The following OR51I2 variants were observed in gnomAD, a reference collection of about 807,000 sequenced individuals.
OR51I2 encodes the protein olfactory receptor 51I2.
OR51I2 carries 6 observed loss-of-function variants against 9.3 expected under a neutral mutation model. That is an observed-to-expected ratio of 0.64 (90% CI 0.35 to 1.27). The LOEUF is 1.27. OR51I2 is among the 50% of genes most tolerant of loss of function. The pLI, the probability that OR51I2 is intolerant of heterozygous loss-of-function variation, is 0.03. For synonymous variants in OR51I2, 179 were observed against 143.1 expected (o/e 1.25, Z -1.79); for missense variants, 489 against 396.4 (o/e 1.23, Z -1.98).
Position 5,455,386 on chromosome 11 carries a change from A to G in OR51I2, c.*959A>G, listed in dbSNP as rs1850936240. 6.6e-6 allele frequency: 1 copy of G among 150,442 alleles called. No individual in the cohort carries two copies. The highest frequency in any genetic ancestry group is 2.4e-5 in the African/African-American group (1 of 41,034). 9.3% of individuals were successfully genotyped at this position (150,442 alleles called of 1,614,324 possible). On this transcript the variant is annotated 3_prime_UTR_variant, in exon 2 of 2. Coordinates refer to ENST00000641930, the MANE Select transcript of OR51I2 (RefSeq NM_001004754.3). ...AAAAAGCCTAGGATAGACAGACTAG[A>G]GCACTTATGGTTTAGATACCAGAAA...
chr11:5,452,163 A>G (rs1850862625), intron 1 of OR51I2, among the ~76,000 whole-genome samples: 1 of 152,060 alleles, frequency 6.6e-6, no homozygotes, highest in Non-Finnish European at 1.5e-5. Flanking sequence ...CATATATGTC[A>G]GTGCAGACTG....
chr11:5,450,083 G>A (rs1228670538), intron 1 of OR51I2, among the ~76,000 whole-genome samples: 2 of 152,070 alleles, frequency 1.3e-5, no homozygotes, highest in East Asian at 3.9e-4. Flanking sequence ...GGATCTCAGA[G>A]AATGTCCTTA....
chr11:5,454,465 T>C lies in OR51I2; in HGVS notation c.*38T>C. The C allele has an allele frequency of 1.3e-6, 2 of 1,494,410 alleles. No individual in the cohort carries two copies. The highest frequency in any genetic ancestry group is 1.2e-5 in the South Asian group (1 of 82,812). The allele number at this position is 1,494,410 out of a possible 1,614,324, so 92.6% of individuals were successfully genotyped here. A position where few individuals can be genotyped will look rare whatever the true frequency, so the allele number is the denominator to read the frequency against. On this transcript the variant is annotated 3_prime_UTR_variant, in exon 2 of 2. Transcript: ENST00000641930. ...GCTTTAGAATCTGTTATTTTGGCCATAGGCTCTCATCAGTAGCATCGTCAT... is the reference window on the plus strand; with the variant it reads ...GCTTTAGAATCTGTTATTTTGGCCACAGGCTCTCATCAGTAGCATCGTCAT...
In OR51I2 at chr11:5,453,243, C is replaced by T. The variant is rs1850884459; in HGVS notation, c.-230-16C>T. On this transcript the variant is annotated splice_polypyrimidine_tract_variant and intron_variant, in intron 1 of 1. Coordinates refer to ENST00000641930, the MANE Select transcript of OR51I2 (RefSeq NM_001004754.3). ...TATTGAAGTATTTGTCAATGTCTTC[C>T]TTGTTCATAAAATAGAGGGAAATAT... 1.1e-5 allele frequency: 4 copies of T among 349,680 alleles called. No homozygotes were observed. Among genetic ancestry groups the T allele is most frequent in the Non-Finnish European group, 1.5e-5 (3 of 195,314 alleles). 21.7% of individuals were successfully genotyped at this position (349,680 alleles called of 1,614,324 possible).
chr11:5,456,059 T>C lies in OR51I2; in HGVS notation c.*1632T>C, dbSNP rs908590631. ...TAATAATTTTAATGCTTTGATATTTTAGTTTCAAATATATACAACAAATAC... is the reference window on the plus strand; with the variant it reads ...TAATAATTTTAATGCTTTGATATTTCAGTTTCAAATATATACAACAAATAC... On this transcript the variant is annotated 3_prime_UTR_variant, in exon 2 of 2. Transcript: ENST00000641930. 1.2e-4 allele frequency: 18 copies of C among 152,352 alleles called. No individual in the cohort carries two copies. Among genetic ancestry groups the C allele is most frequent in the Admixed American group, 1.2e-3 (18 of 15,308 alleles). The allele number at this position is 152,352 out of a possible 1,614,324, so 9.4% of individuals were successfully genotyped here.
chr11:5,452,851 C>CA (rs1399363709), intron 1 of OR51I2, among the ~76,000 whole-genome samples: 1 of 152,168 alleles, frequency 6.6e-6, no homozygotes, highest in East Asian at 1.9e-4. Flanking sequence ...TGCCTTTGCA[C>CA]AAAAATATGT....
chr11:5,454,085 A>G lies in OR51I2; in HGVS notation c.597A>G (p.Gly199=), dbSNP rs746363660. The change falls in exon 2 of 2, where the codon GGA becomes GGG. Residue 199 remains glycine (G), a synonymous_variant. Coordinates refer to ENST00000641930, the MANE Select transcript of OR51I2 (RefSeq NM_001004754.3). ...ATATCAGTATCAACAGCATCTATGG[A>G]CTCTTTGTTCTTGTATCCACCTTTG... ...CADISINSIY[G]LFVLVSTFGM... 2.5e-6 allele frequency: 4 copies of G among 1,613,594 alleles called. No homozygotes were observed. The highest frequency in any genetic ancestry group is 3.4e-6 in the Non-Finnish European group (4 of 1,179,920).
rs150291324 is a variant in OR51I2, at chr11:5,453,857, T to C, written c.369T>C (p.Tyr123=). The change falls in exon 2 of 2, where the codon TAT becomes TAC. Residue 123 remains tyrosine (Y), a synonymous_variant. Transcript: ENST00000641930. ...GILLAMSFDR[Y]VAICDPLRYA... ...TGCTGGCCATGAGTTTTGACCGCTA[T>C]GTGGCCATTTGTGACCCCTTGCGCT... 2 of 1,614,240 alleles carry C rather than the reference T, an allele frequency of 1.2e-6. No homozygotes were observed. Among genetic ancestry groups the C allele is most frequent in the African/African-American group, 1.3e-5 (1 of 75,064 alleles).
Position 5,454,171 on chromosome 11 carries a change from C to T in OR51I2, c.683C>T (p.Thr228Ile), listed in dbSNP as rs772829220. 20 of 1,613,494 alleles carry T rather than the reference C, an allele frequency of 1.2e-5. No homozygotes were observed. The highest frequency in any genetic ancestry group is 1.7e-5 in the Non-Finnish European group (20 of 1,179,804). The part of the protein sequence containing the change: ...YVLILRSVMA[T>I]ASREERLKAL... ...CTCATTCTGCGTTCTGTCATGGCCACTGCTTCCCGTGAGGAACGCCTCAAA... is the reference window on the plus strand; with the variant it reads ...CTCATTCTGCGTTCTGTCATGGCCATTGCTTCCCGTGAGGAACGCCTCAAA... The change falls in exon 2 of 2, where the codon ACT becomes ATT. Residue 228 changes from threonine (T) to isoleucine (I), a missense_variant. Transcript: ENST00000641930.
In OR51I2 at chr11:5,454,651, G is replaced by C; in HGVS notation, c.*224G>C. Reference sequence around the variant, plus strand: ...AAAGATAAATATTGGGGGCAATTGAGTAATTAGACAAGTTTTACAGAGGAA... The same window carrying C: ...AAAGATAAATATTGGGGGCAATTGACTAATTAGACAAGTTTTACAGAGGAA... On this transcript the variant is annotated 3_prime_UTR_variant, in exon 2 of 2. Transcript: ENST00000641930. 1 of 384,108 alleles carries C rather than the reference G, an allele frequency of 2.6e-6. No individual in the cohort carries two copies. The allele number at this position is 384,108 out of a possible 1,614,324, so 23.8% of individuals were successfully genotyped here. A position where few individuals can be genotyped will look rare whatever the true frequency, so the allele number is the denominator to read the frequency against.
At position 5,453,576 on chromosome 11, in the gene OR51I2, C is replaced by T. The variant is rs756570371; in HGVS notation, c.88C>T (p.Pro30Ser). ...GAGCTCTCACTCCTGGCTGTCAGGG[C>T]CCCTCTGCGTGATGTATGCTGTGGC... ...LESSHSWLSGPLCVMYAVALG... is the reference protein window; with the variant it reads ...LESSHSWLSGSLCVMYAVALG... The change falls in exon 2 of 2, where the codon CCC (proline) becomes TCC (serine). Residue 30 changes from proline (P) to serine (S), a missense_variant. Physicochemically the swap from Pro to Ser is moderately conservative, Grantham distance 74. Coordinates refer to ENST00000641930, the MANE Select transcript of OR51I2 (RefSeq NM_001004754.3). 1.2e-6 allele frequency: 2 copies of T among 1,612,654 alleles called. No individual in the cohort carries two copies. The highest frequency in any genetic ancestry group is 1.3e-5 in the African/African-American group (1 of 75,018).
rs1489165443 is a variant in OR51I2 at position 5,453,574 on chromosome 11, G to C, written c.86G>C (p.Gly29Ala). The C allele has an allele frequency of 6.2e-7, 1 of 1,612,420 alleles. No homozygotes were observed. The highest frequency in any genetic ancestry group is 8.5e-7 in the Non-Finnish European group (1 of 1,179,374). ...GLESSHSWLS[G>A]PLCVMYAVAL... is the part of the protein sequence containing the mutation. ...GAGAGCTCTCACTCCTGGCTGTCAGGGCCCCTCTGCGTGATGTATGCTGTG... is the reference window on the plus strand; with the variant it reads ...GAGAGCTCTCACTCCTGGCTGTCAGCGCCCCTCTGCGTGATGTATGCTGTG... Residue 29 changes from glycine (G) to alanine (A), a missense_variant, in exon 2 of 2, where the codon GGG becomes GCG. Gly to Ala is a moderately conservative substitution (Grantham distance 60, BLOSUM62 0). Transcript: ENST00000641930.
At position 5,452,504 on chromosome 11, in the gene OR51I2, C is replaced by CAAAAAAAAA. The variant is rs56677841; in HGVS notation, c.-230-723_-230-715dup. On this transcript the variant is annotated intron_variant, in intron 1 of 1. Transcript: ENST00000641930. ...TGGGCAAAAGAGAGAGACTCTGTCT[C>CAAAAAAAAA]AAAAAAAAAAAAAAAAAAAAAAAAA... Among the ~76,000 whole-genome samples, 39 of 69,214 alleles carry CAAAAAAAAA rather than the reference C, an allele frequency of 5.6e-4. 2 individuals are homozygous for CAAAAAAAAA. The highest frequency in any genetic ancestry group is 7.3e-4 in the Non-Finnish European group (28 of 38,396). 45.4% of individuals were successfully genotyped at this position (69,214 alleles called of 152,430 possible).
chr11:5,451,187 A>G (rs1256850634), intron 1 of OR51I2, among the ~76,000 whole-genome samples: 2 of 152,218 alleles, frequency 1.3e-5, no homozygotes, highest in Non-Finnish European at 2.9e-5. Context: ...AAAATTAGCA[A>G]TCCCCAAGGT....
Position 5,452,332 on chromosome 11 carries a change from G to A in OR51I2, c.-230-927G>A, listed in dbSNP as rs555581059. ...ATCCTGGCTAACACGGTGAAACCCC[G>A]TCTCTACTAAAACTACAAAAAAAAT... On this transcript the variant is annotated intron_variant, in intron 1 of 1. Transcript: ENST00000641930. Among the ~76,000 whole-genome samples the A allele has an allele frequency of 5.3e-5, 8 of 151,812 alleles. No homozygotes were observed. In the East Asian group the frequency reaches 1.2e-3, roughly 22 times the overall value.
At chr11:5,452,924 G>T (rs1467408905) in intron 1 of OR51I2, among the ~76,000 whole-genome samples, 1 of 152,182 alleles carries the variant, frequency 6.6e-6, no homozygotes, top group Admixed American at 6.5e-5. Context: ...TGCCTCTGGA[G>T]GCAGTCAATT....
intron 1 of OR51I2, among the ~76,000 whole-genome samples, chr11:5,452,894 G>T: frequency 6.6e-6 from 1 of 152,110 alleles, no homozygotes; most frequent in East Asian, 1.9e-4. Context: ...CAGTAATTCT[G>T]CCAATGAAAA....
At chr11:5,450,141 C>T (rs568001199) in intron 1 of OR51I2, among the ~76,000 whole-genome samples, 4 of 152,130 alleles carry the variant, frequency 2.6e-5, no homozygotes, top group Non-Finnish European at 5.9e-5. Context: ...GTAATCCCAG[C>T]ACTTTGGGAG....
chr11:5,454,663 G>T lies in OR51I2; in HGVS notation c.*236G>T. On this transcript the variant is annotated 3_prime_UTR_variant, in exon 2 of 2. Transcript: ENST00000641930. The stretch of plus-strand genomic sequence containing the variant: ...TGGGGGCAATTGAGTAATTAGACAA[G>T]TTTTACAGAGGAAGACTAATTTAAG... 1 of 356,256 alleles carries T rather than the reference G, an allele frequency of 2.8e-6. No individual in the cohort carries two copies. Among genetic ancestry groups the T allele is most frequent in the South Asian group, 8.4e-5 (1 of 11,922 alleles). 22.1% of individuals were successfully genotyped at this position (356,256 alleles called of 1,614,324 possible).
Sources: gnomAD v4.1 joint callset for allele counts (sites outside exome capture counted in the v4.1 genomes callset) on GRCh38, gnomAD v4.1.1 for gene constraint, MANE v1.5 for transcripts, NCBI Gene and HGNC (gene_info 2026-07-23, HGNC 2026-07-21) for gene names.